SPIRE1: variants seen among roughly 807,000 people sequenced by gnomAD.
SPIRE1 encodes the protein spire type actin nucleation factor 1.
In SPIRE1, 40 loss-of-function variants were observed where a neutral mutation model predicts 94.1. The ratio of observed to expected loss-of-function variants is 0.43; its 90% CI spans 0.33 to 0.55. The LOEUF is 0.55. Among genes scored for constraint, SPIRE1 ranks in the 20% least tolerant of loss-of-function variants. SPIRE1 has a pLI of 0.06. For missense variants in SPIRE1, 838 were observed against 975.2 expected (o/e 0.86, Z 1.87); for synonymous variants, 376 against 371.7 (o/e 1.01, Z -0.13).
intron 12 of SPIRE1, among the ~76,000 whole-genome samples, chr18:12,460,762 T>C (rs922542883): frequency 6.6e-6 from 1 of 152,028 alleles, no homozygotes; most frequent in Non-Finnish European, 1.5e-5. Flanking sequence ...CATTTTCAGT[T>C]GAGGAGTTAC....
At chr18:12,576,610 CG>C (rs1313007478) in intron 2 of SPIRE1, among the ~76,000 whole-genome samples, 2 of 136,148 alleles carry the variant, frequency 1.5e-5, no homozygotes, top group African/African-American at 5.6e-5. Flanking sequence ...AAAAAAAAGA[CG>C]GGGCACAGTG....
intron 1 of SPIRE1, among the ~76,000 whole-genome samples, chr18:12,635,622 T>C (rs2037901253): frequency 6.6e-6 from 1 of 152,164 alleles, no homozygotes; most frequent in Non-Finnish European, 1.5e-5. Context: ...TGAGTAATTT[T>C]TCCAACAGAG....
chr18:12,567,114 T>C (rs1446800127), intron 2 of SPIRE1, among the ~76,000 whole-genome samples: 3 of 152,092 alleles, frequency 2.0e-5, no homozygotes, highest in Non-Finnish European at 2.9e-5. Context: ...AATAAGCAAT[T>C]ATAGCAAGGT....
At chr18:12,511,472 C>T (rs978355468) in intron 5 of SPIRE1, among the ~76,000 whole-genome samples, 4 of 152,186 alleles carry the variant, frequency 2.6e-5, no homozygotes, top group African/African-American at 9.7e-5. Context: ...ACCACCCCTC[C>T]ACCCCCAATC....
chr18:12,482,294 C>T (rs2032871474), intron 9 of SPIRE1, among the ~76,000 whole-genome samples: 1 of 152,106 alleles, frequency 6.6e-6, no homozygotes, highest in African/African-American at 2.4e-5. Context: ...AGGCATGTGC[C>T]ACCACGCCCA....
intron 2 of SPIRE1, among the ~76,000 whole-genome samples, chr18:12,569,526 C>CTGTT (rs1436775900): frequency 6.6e-6 from 1 of 151,678 alleles, no homozygotes; most frequent in Non-Finnish European, 1.5e-5. Flanking sequence ...AGAAAAATGA[C>CTGTT]TGAAACATAA....
intron 8 of SPIRE1, 82 bp from the exon 9 acceptor site, chr18:12,486,082 T>G: frequency 1.9e-6 from 2 of 1,053,360 alleles, no homozygotes; most frequent in Non-Finnish European, 2.8e-6. Context: ...GGGAACGGAT[T>G]AATGAAGACC....
intron 9 of SPIRE1, among the ~76,000 whole-genome samples, chr18:12,483,926 T>A (rs536442999): frequency 4.6e-5 from 7 of 152,098 alleles, no homozygotes; most frequent in African/African-American, 1.4e-4. Context: ...CATTAGAAAA[T>A]CACGAAGTAC....
intron 11 of SPIRE1, 67 bp downstream of exon 11, chr18:12,464,801 T>C: frequency 7.4e-7 from 1 of 1,353,750 alleles, no homozygotes; most frequent in South Asian, 1.2e-5. Flanking sequence ...CTGGGATCTC[T>C]GCTCTAGGTC....
chr18:12,468,752 G>T (rs1007900295), intron 10 of SPIRE1, among the ~76,000 whole-genome samples: 12 of 152,124 alleles, frequency 7.9e-5, no homozygotes, highest in African/African-American at 2.9e-4. Flanking sequence ...GTTCAAAAAT[G>T]TAAATCAAAA....
intron 2 of SPIRE1, among the ~76,000 whole-genome samples, chr18:12,630,010 A>G (rs544343609): frequency 7.9e-5 from 12 of 152,340 alleles, no homozygotes; most frequent in African/African-American, 1.7e-4. Flanking sequence ...TCAAATACCT[A>G]TATGTGATTT....
At chr18:12,615,345 A>AAAAAAATATATATAT in intron 2 of SPIRE1, among the ~76,000 whole-genome samples, 2 of 17,242 alleles carry the variant, frequency 1.2e-4, no homozygotes, top group Non-Finnish European at 3.7e-4. Context: ...AAAAAAAAAA[A>AAAAAAATATATATAT]ATATATATAT....
At chr18:12,549,692 G>A (rs186558258) in intron 2 of SPIRE1, among the ~76,000 whole-genome samples, 143 of 151,746 alleles carry the variant, frequency 9.4e-4, no homozygotes, top group African/African-American at 3.3e-3. Context: ...CTCGTGATCC[G>A]CCTGCCTTGG....
intron 2 of SPIRE1, among the ~76,000 whole-genome samples, chr18:12,562,234 T>G (rs2035706324): frequency 6.6e-6 from 1 of 152,194 alleles, no homozygotes; most frequent in Admixed American, 6.5e-5. Flanking sequence ...GCTATGGACC[T>G]CTTTAGTATT....
intron 12 of SPIRE1, 133 bp from the exon 13 acceptor site, chr18:12,454,616 G>C: frequency 1.3e-6 from 1 of 770,806 alleles, no homozygotes; most frequent in Non-Finnish European, 2.2e-6. Flanking sequence ...CACTGGGGCA[G>C]AGCTGGCTCC....
At chr18:12,635,830 G>T (rs765018089) in intron 1 of SPIRE1, among the ~76,000 whole-genome samples, 1 of 151,198 alleles carries the variant, frequency 6.6e-6, no homozygotes, top group Non-Finnish European at 1.5e-5. Context: ...CAAAAAGAAC[G>T]AATAACACAA....
At chr18:12,478,119 T>C (rs2032677021) in intron 10 of SPIRE1, among the ~76,000 whole-genome samples, 1 of 151,966 alleles carries the variant, frequency 6.6e-6, no homozygotes, top group African/African-American at 2.4e-5. Context: ...AAAATTATTA[T>C]TGGTATTGCT....
intron 12 of SPIRE1, among the ~76,000 whole-genome samples, chr18:12,458,896 G>T (rs2031657385): frequency 6.6e-6 from 1 of 152,180 alleles, no homozygotes; most frequent in African/African-American, 2.4e-5. Context: ...TTTACATTGA[G>T]TCTCCTTTCC....
intron 2 of SPIRE1, among the ~76,000 whole-genome samples, chr18:12,610,851 C>A (rs1042702128): frequency 1.3e-5 from 2 of 152,056 alleles, no homozygotes; most frequent in Admixed American, 6.6e-5. Flanking sequence ...CTGAAGTAAC[C>A]AGAAGAGAAC....
Sources: gnomAD v4.1 joint callset for allele counts (sites outside exome capture counted in the v4.1 genomes callset) on GRCh38, gnomAD v4.1.1 for gene constraint, MANE v1.5 for transcripts, NCBI Gene and HGNC (gene_info 2026-07-23, HGNC 2026-07-21) for gene names.